PLEKHA7: variants seen among roughly 807,000 people sequenced by gnomAD.
The protein encoded by PLEKHA7 is pleckstrin homology domain-containing family A member 7.
A neutral mutation model predicts 170.0 loss-of-function variants in PLEKHA7; 104 were observed. The ratio of observed to expected loss-of-function variants is 0.61; its 90% CI spans 0.52 to 0.72. PLEKHA7 has a LOEUF of 0.72. Among genes scored for constraint, PLEKHA7 ranks in the 30% least tolerant of loss-of-function variants. The pLI, the probability that PLEKHA7 is intolerant of heterozygous loss-of-function variation, is 0.00. For synonymous variants in PLEKHA7, 648 were observed against 660.8 expected (o/e 0.98, Z 0.30); for missense variants, 1,615 against 1,671.7 (o/e 0.97, Z 0.59).
At chr11:16,937,484 G>A (rs143938252) in intron 3 of PLEKHA7, among the ~76,000 whole-genome samples, 2,106 of 152,258 alleles carry the variant, frequency 0.014, 24 homozygotes, top group Middle Eastern at 0.02. Context: ...GGCCCAGTCT[G>A]AGGAGCCATA....
chr11:16,816,994 G>A lies in PLEKHA7; in HGVS notation c.1672C>T (p.Leu558=). The change falls in exon 11 of 27, where the codon CTA becomes TTA. Residue 558 remains leucine (L), a synonymous_variant. Transcript: ENST00000531066. ...FTDQGRSRSM[L]EVPRSISVPP... ...ACAGAGATGGAGCGGGGCACCTCTAGCATGCTCCTGCTCCGGCCCTGGTCG... is the reference window on the plus strand; with the variant it reads ...ACAGAGATGGAGCGGGGCACCTCTAACATGCTCCTGCTCCGGCCCTGGTCG... 2 of 1,605,218 alleles carry A rather than the reference G, an allele frequency of 1.2e-6. No homozygotes were observed. The highest frequency in any genetic ancestry group is 2.7e-5 in the African/African-American group (2 of 75,004).
At chr11:16,780,988 G>T (rs540382547) in intron 26 of PLEKHA7, 245 of 986,064 alleles carry the variant, frequency 2.5e-4, no homozygotes, top group Non-Finnish European at 2.8e-4. Flanking sequence ...TGGTAAAAGG[G>T]GGGTAAGGTG....
Sources: gnomAD v4.1 joint callset for allele counts (sites outside exome capture counted in the v4.1 genomes callset) on GRCh38, gnomAD v4.1.1 for gene constraint, MANE v1.5 for transcripts, NCBI Gene and HGNC (gene_info 2026-07-23, HGNC 2026-07-21) for gene names.